The following SHOC2 variants were observed in gnomAD, a reference collection of about 807,000 sequenced individuals.
SHOC2 encodes the protein leucine-rich repeat protein SHOC-2.
SHOC2 carries 4 observed loss-of-function variants against 50.2 expected under a neutral mutation model. That is an observed-to-expected ratio of 0.08 (90% CI 0.04 to 0.18). The LOEUF is 0.18. Among genes scored for constraint, SHOC2 ranks in the 10% least tolerant of loss-of-function variants. The pLI, the probability that SHOC2 is intolerant of heterozygous loss-of-function variation, is 1.00. For synonymous variants in SHOC2, 218 were observed against 244.5 expected (o/e 0.89, Z 1.01); for missense variants, 388 against 669.6 (o/e 0.58, Z 4.64).
At chr10:110,990,498 G>A (rs527515096) in intron 3 of SHOC2, among the ~76,000 whole-genome samples, 78 of 149,402 alleles carry the variant, frequency 5.2e-4, no homozygotes, top group Middle Eastern at 3.5e-3. Flanking sequence ...CCTGTGTGTC[G>A]AAACTCTGTA....
chr10:110,940,910 G>GGT lies in SHOC2; in HGVS notation c.-235+21253_-235+21254insGT, dbSNP rs1564705752. Reference sequence around the variant, plus strand: ...GACAAAATAGTGGTATTTGTGGTGGGTTTTTTTTTTTTTTTTTTTTTTTTT... The same window carrying GGT: ...GACAAAATAGTGGTATTTGTGGTGGGGTTTTTTTTTTTTTTTTTTTTTTTTTT... On this transcript the variant is annotated intron_variant, in intron 1 of 8. Transcript: ENST00000369452. Among the ~76,000 whole-genome samples, 9 of 119,502 alleles carry GGT rather than the reference G, an allele frequency of 7.5e-5. 1 individual carries two copies. Among genetic ancestry groups the GGT allele is most frequent in the African/African-American group, 2.9e-4 (9 of 31,416 alleles). 78.4% of individuals were successfully genotyped at this position (119,502 alleles called of 152,430 possible). A position where few individuals can be genotyped will look rare whatever the true frequency, so the allele number is the denominator to read the frequency against.
chr10:110,977,740 A>G (rs1429346897), intron 2 of SHOC2, among the ~76,000 whole-genome samples: 1 of 152,194 alleles, frequency 6.6e-6, no homozygotes, highest in Non-Finnish European at 1.5e-5. Context: ...TTTTGTCTAC[A>G]TCTAATTTAA....
At chr10:111,007,024 T>C (rs1848481413) in intron 5 of SHOC2, among the ~76,000 whole-genome samples, 1 of 152,232 alleles carries the variant, frequency 6.6e-6, no homozygotes, top group Non-Finnish European at 1.5e-5. Flanking sequence ...ACCTGATTAG[T>C]GTTTTAATGA....
intron 3 of SHOC2, among the ~76,000 whole-genome samples, chr10:110,997,993 A>G (rs886355133): frequency 2.1e-5 from 3 of 143,002 alleles, no homozygotes; most frequent in Non-Finnish European, 3.0e-5. Context: ...CATTTTTATT[A>G]TAGTCTTTTT....
intron 1 of SHOC2, among the ~76,000 whole-genome samples, chr10:110,942,682 G>A (rs571176967): frequency 1.3e-5 from 2 of 152,178 alleles, no homozygotes; most frequent in Non-Finnish European, 2.9e-5. Context: ...ACTCTTTCAT[G>A]TATATTTGAA....
rs1444927340 is a variant in SHOC2 at position 111,012,098 on chromosome 10, T to C, written c.*280T>C. The stretch of plus-strand genomic sequence containing the variant: ...AACATTTGCCAACACATTATGAAGT[T>C]ATTAAATTTAAGGGACAGAGGTAGT... On this transcript the variant is annotated 3_prime_UTR_variant, in exon 9 of 9. Coordinates refer to ENST00000369452, the MANE Select transcript of SHOC2 (RefSeq NM_007373.4). The C allele has an allele frequency of 4.9e-6, 2 of 404,254 alleles. No individual in the cohort carries two copies. The highest frequency in any genetic ancestry group is 8.3e-5 in the Admixed American group (2 of 24,014). The allele number at this position is 404,254 out of a possible 1,614,324, so 25.0% of individuals were successfully genotyped here. A position where few individuals can be genotyped will look rare whatever the true frequency, so the allele number is the denominator to read the frequency against.
At chr10:110,979,597 T>A (rs1004464941) in intron 2 of SHOC2, among the ~76,000 whole-genome samples, 11 of 152,206 alleles carry the variant, frequency 7.2e-5, no homozygotes, top group African/African-American at 2.7e-4. Flanking sequence ...AGTTTTAAAT[T>A]ATCAACACGA....
At chr10:110,951,176 CAAT>C (rs753302414) in intron 1 of SHOC2, among the ~76,000 whole-genome samples, 6 of 152,184 alleles carry the variant, frequency 3.9e-5, no homozygotes, top group Admixed American at 6.5e-5. Context: ...TTTAAGAACT[CAAT>C]GATACAAAAA....
intron 1 of SHOC2, among the ~76,000 whole-genome samples, chr10:110,945,147 T>C (rs58050225): frequency 0.023 from 3,563 of 152,340 alleles, 100 homozygotes; most frequent in East Asian, 0.14. Flanking sequence ...CAAGTAGATA[T>C]GGTATAAAAC....
At chr10:110,919,385 G>T (rs929296883), upstream of SHOC2, 3 of 388,612 alleles carry the variant, frequency 7.7e-6, no homozygotes, top group Non-Finnish European at 1.4e-5. Flanking sequence ...GACAAGGGCG[G>T]AGAGAGAGAA....
At chr10:110,952,605 G>A (rs960952806) in intron 1 of SHOC2, among the ~76,000 whole-genome samples, 1 of 151,254 alleles carries the variant, frequency 6.6e-6, no homozygotes, top group Non-Finnish European at 1.5e-5. Flanking sequence ...GTGAAGGTTT[G>A]TTACATGGGT....
intron 4 of SHOC2, among the ~76,000 whole-genome samples, chr10:111,002,814 C>T (rs1307765824): frequency 6.6e-6 from 1 of 151,896 alleles, no homozygotes; most frequent in Admixed American, 6.6e-5. Context: ...CCCTGCTTCA[C>T]AATGTGACTA....
At chr10:110,947,149 G>A (rs2134098430) in intron 1 of SHOC2, among the ~76,000 whole-genome samples, 1 of 152,306 alleles carries the variant, frequency 6.6e-6, no homozygotes, top group East Asian at 1.9e-4. Flanking sequence ...TCCAAGTGGA[G>A]GAAGGAGAGT....
chr10:110,940,910 GTTTT>G (rs539552844), intron 1 of SHOC2, among the ~76,000 whole-genome samples: 5 of 119,476 alleles, frequency 4.2e-5, no homozygotes, highest in African/African-American at 1.6e-4. Context: ...TTTGTGGTGG[GTTTT>G]TTTTTTTTTT....
chr10:110,958,133 G>GGCT lies in SHOC2; in HGVS notation c.-234-5985_-234-5983dup, dbSNP rs1847501477. 3.3e-5 allele frequency among the ~76,000 whole-genome samples: 5 copies of GGCT among 152,030 alleles called. No homozygotes were observed. In the South Asian group the frequency reaches 1.0e-3, roughly 32 times the overall value. Reference sequence around the variant, plus strand: ...CTTCTAAAATTTAAATAGATGAACTGGCTGCTGCTTTGACAATACCCTTTC... The same window carrying GGCT: ...CTTCTAAAATTTAAATAGATGAACTGGCTGCTGCTGCTTTGACAATACCCTTTC... On this transcript the variant is annotated intron_variant, in intron 1 of 8. Transcript: ENST00000369452.
At chr10:110,988,667 TTTTA>T (rs1848126081) in intron 3 of SHOC2, among the ~76,000 whole-genome samples, 1 of 152,134 alleles carries the variant, frequency 6.6e-6, no homozygotes, top group Admixed American at 6.5e-5. Context: ...TTTCTCTGGT[TTTTA>T]TTTCATTGAT....
intron 1 of SHOC2, among the ~76,000 whole-genome samples, chr10:110,938,029 T>A (rs1023575395): frequency 6.6e-6 from 1 of 152,214 alleles, no homozygotes; most frequent in Non-Finnish European, 1.5e-5. Context: ...TACTAGAATA[T>A]TTTTAAGTCC....
chr10:110,954,985 A>G (rs949805332), intron 1 of SHOC2, among the ~76,000 whole-genome samples: 59 of 152,248 alleles, frequency 3.9e-4, no homozygotes, highest in Middle Eastern at 6.8e-3. Context: ...AAAATATGTT[A>G]ATTTTGAGAT....
chr10:110,962,828 C>T (rs538623351), intron 1 of SHOC2, among the ~76,000 whole-genome samples: 1 of 152,316 alleles, frequency 6.6e-6, no homozygotes, highest in African/African-American at 2.4e-5. Context: ...ATGCTTTTCT[C>T]AACCATTCTC....
Sources: allele counts gnomAD v4.1 joint callset (sites outside exome capture counted in the v4.1 genomes callset), GRCh38; gene constraint gnomAD v4.1.1; transcripts MANE v1.5; gene names NCBI Gene and HGNC (gene_info 2026-07-23, HGNC 2026-07-21).